Variants in SGMS1 observed in about 807,000 individuals in gnomAD.
SGMS1 encodes the protein phosphatidylcholine:ceramide cholinephosphotransferase 1.
SGMS1 carries 13 observed loss-of-function variants against 46.2 expected under a neutral mutation model. That is an observed-to-expected ratio of 0.28 (90% CI 0.18 to 0.45). The LOEUF (loss-of-function observed/expected upper bound fraction) is 0.45, where lower values mean the gene tolerates loss of function less well. Ranked by LOEUF, SGMS1 falls within the 20% of genes least tolerant of loss-of-function variation. The pLI is 1.00. For missense variants in SGMS1, 324 were observed against 519.9 expected, an observed-to-expected ratio of 0.62 and a Z score of 3.66; for synonymous variants, 203 against 187.8, an observed-to-expected ratio of 1.08 and a Z score of -0.66.
At chr10:50,356,810 CACAA>C (rs1848157499) in intron 6 of SGMS1, among the ~76,000 whole-genome samples, 1 of 151,896 alleles carries the variant, frequency 6.6e-6, no homozygotes, top group Non-Finnish European at 1.5e-5. Flanking sequence ...AGCAAACTGT[CACAA>C]GGACAAAAAA....
At chr10:50,564,040 T>C (rs1036255800) in intron 2 of SGMS1, among the ~76,000 whole-genome samples, 2 of 152,158 alleles carry the variant, frequency 1.3e-5, no homozygotes, top group South Asian at 4.1e-4. Flanking sequence ...CCCTCTAACC[T>C]GATGTTAAAA....
At chr10:50,320,122 C>G (rs1312691708) in intron 8 of SGMS1, among the ~76,000 whole-genome samples, 1 of 152,180 alleles carries the variant, frequency 6.6e-6, no homozygotes, top group Non-Finnish European at 1.5e-5. Flanking sequence ...CCTCTTCATA[C>G]CAGATGGCTT....
chr10:50,355,958 C>A (rs540999779), intron 6 of SGMS1, among the ~76,000 whole-genome samples: 1 of 151,898 alleles, frequency 6.6e-6, no homozygotes, highest in African/African-American at 2.4e-5. Flanking sequence ...CATCTCTGAC[C>A]GGCCGCCCCG....
At chr10:50,311,453 T>C in intron 8 of SGMS1, 38 bp from the exon 9 acceptor site, 2 of 1,598,636 alleles carry the variant, frequency 1.3e-6, no homozygotes, top group East Asian at 4.5e-5. Flanking sequence ...AGAAGATTCA[T>C]TACGAGCCCA....
chr10:50,531,970 G>A (rs1435333939), intron 2 of SGMS1, among the ~76,000 whole-genome samples: 1 of 152,156 alleles, frequency 6.6e-6, no homozygotes, highest in Non-Finnish European at 1.5e-5. Context: ...CCAAATTCTG[G>A]CTTGGGACTG....
At chr10:50,492,784 G>A (rs1034387974) in intron 3 of SGMS1, among the ~76,000 whole-genome samples, 2 of 152,072 alleles carry the variant, frequency 1.3e-5, no homozygotes, top group Non-Finnish European at 2.9e-5. Context: ...ATTCTTCACA[G>A]AACTAGAGAA....
chr10:50,605,432 C>A (rs758817332), intron 1 of SGMS1, among the ~76,000 whole-genome samples: 4 of 152,214 alleles, frequency 2.6e-5, no homozygotes, highest in Non-Finnish European at 4.4e-5. Context: ...AACTAAGGAA[C>A]CAAACACTAC....
rs186878053 is a variant in SGMS1 at position 50,547,970 on chromosome 10, A to G, written c.-588-28049T>C. Among the ~76,000 whole-genome samples, 21 of 152,338 alleles carry G rather than the reference A, an allele frequency of 1.4e-4. No homozygotes were observed. In the East Asian group the frequency reaches 4.0e-3, roughly 29 times the overall value. On this transcript the variant is annotated intron_variant, in intron 2 of 10. Transcript: ENST00000361781. ...ATAATTATTTCAACAGATACAGGAA[A>G]GGCCTTTGATAAAATTCAACATCTC...
chr10:50,547,939 A>G (rs1381986390), intron 2 of SGMS1, among the ~76,000 whole-genome samples: 1 of 152,184 alleles, frequency 6.6e-6, no homozygotes, highest in African/African-American at 2.4e-5. Context: ...TGAAGACAAA[A>G]ACCACATAAT....
chr10:50,583,434 G>T (rs998021211), intron 2 of SGMS1, among the ~76,000 whole-genome samples: 1 of 152,206 alleles, frequency 6.6e-6, no homozygotes, highest in Non-Finnish European at 1.5e-5. Context: ...TTCTGCAGAA[G>T]ATGTGCTGAC....
At chr10:50,386,692 T>C (rs1045758703) in intron 6 of SGMS1, among the ~76,000 whole-genome samples, 1 of 152,120 alleles carries the variant, frequency 6.6e-6, no homozygotes, top group Non-Finnish European at 1.5e-5. Flanking sequence ...GAGGCCCAAA[T>C]TGCCTAGCAG....
At chr10:50,481,309 C>T (rs1271472386) in intron 3 of SGMS1, among the ~76,000 whole-genome samples, 7 of 152,268 alleles carry the variant, frequency 4.6e-5, no homozygotes, top group African/African-American at 1.4e-4. Flanking sequence ...TGCCCTTCTG[C>T]GACAGAGCTC....
chr10:50,409,544 T>C (rs1382459036), intron 6 of SGMS1, among the ~76,000 whole-genome samples: 1 of 152,234 alleles, frequency 6.6e-6, no homozygotes, highest in African/African-American at 2.4e-5. Context: ...CCCTTTGAAG[T>C]AGACTGTGAT....
At chr10:50,528,060 C>T (rs1232424589) in intron 2 of SGMS1, among the ~76,000 whole-genome samples, 1 of 152,132 alleles carries the variant, frequency 6.6e-6, no homozygotes, top group Non-Finnish European at 1.5e-5. Context: ...ATTGTTGCTG[C>T]TATTTTGCTT....
chr10:50,528,783 C>T (rs546831142), intron 2 of SGMS1, among the ~76,000 whole-genome samples: 1 of 152,082 alleles, frequency 6.6e-6, no homozygotes, highest in Non-Finnish European at 1.5e-5. Flanking sequence ...TAGCTTGAGC[C>T]CAGGAGGCTG....
intron 8 of SGMS1, among the ~76,000 whole-genome samples, chr10:50,313,436 G>A (rs1847290386): frequency 6.6e-6 from 1 of 152,246 alleles, no homozygotes; most frequent in Admixed American, 6.5e-5. Context: ...AGCTAAAAGA[G>A]TTGAAGGAGA....
intron 5 of SGMS1, among the ~76,000 whole-genome samples, chr10:50,457,968 G>A (rs1588837828): frequency 6.6e-6 from 1 of 152,196 alleles, no homozygotes; most frequent in Admixed American, 6.5e-5. Context: ...AACTGCTAAG[G>A]TGAGTCGACC....
chr10:50,538,457 C>CA (rs61633959), intron 2 of SGMS1, among the ~76,000 whole-genome samples: 1,576 of 85,616 alleles, frequency 0.018, 23 homozygotes, highest in South Asian at 0.047. Flanking sequence ...GACTCCATCT[C>CA]AAAAAAAAAA....
intron 2 of SGMS1, among the ~76,000 whole-genome samples, chr10:50,584,536 A>C (rs1838465343): frequency 6.6e-6 from 1 of 151,644 alleles, no homozygotes; most frequent in South Asian, 2.1e-4. Flanking sequence ...ACTACACCTT[A>C]ACTTTATTAA....
Sources: allele counts gnomAD v4.1 joint callset (sites outside exome capture counted in the v4.1 genomes callset), GRCh38; gene constraint gnomAD v4.1.1; transcripts MANE v1.5; gene names NCBI Gene and HGNC (gene_info 2026-07-23, HGNC 2026-07-21).